The following KCNG3 variants were observed in gnomAD, a reference collection of about 807,000 sequenced individuals.
The protein encoded by KCNG3 is voltage-gated potassium channel regulatory subunit KCNG3.
In KCNG3, 15 loss-of-function variants were observed where a neutral mutation model predicts 29.0. That is an observed-to-expected ratio of 0.52 (90% CI 0.35 to 0.80). The LOEUF (loss-of-function observed/expected upper bound fraction) is 0.80, where lower values mean the gene tolerates loss of function less well. KCNG3 is among the 30% of genes least tolerant of loss of function. The pLI, the probability that KCNG3 is intolerant of heterozygous loss-of-function variation, is 0.01. For missense variants in KCNG3, 512 were observed against 605.7 expected (o/e 0.85, Z 1.62); for synonymous variants, 322 against 248.9 (o/e 1.29, Z -2.76).
At chr2:42,450,173 G>C (rs115964519) in intron 1 of KCNG3, among the ~76,000 whole-genome samples, 13 of 152,284 alleles carry the variant, frequency 8.5e-5, no homozygotes, top group African/African-American at 3.1e-4. Context: ...CTAAGAAGGA[G>C]GAAATCCAAA....
chr2:42,484,059 C>T (rs1204711155), intron 1 of KCNG3, among the ~76,000 whole-genome samples: 1 of 152,204 alleles, frequency 6.6e-6, no homozygotes. Context: ...GCTAGGACTA[C>T]AGGCCTAAGC....
At position 42,470,327 on chromosome 2, in the gene KCNG3, C is replaced by A. The variant is rs560787367; in HGVS notation, c.665+22510G>T. 4 of 273,964 alleles carry A rather than the reference C, an allele frequency of 1.5e-5. No homozygotes were observed. In the South Asian group the frequency reaches 1.7e-4, roughly 12 times the overall value. 17.0% of individuals were successfully genotyped at this position (273,964 alleles called of 1,614,324 possible). ...TAAATTTTAAAAAAATGTACAGATT[C>A]TATAAGCCCCAAAACACCATAAACA... On this transcript the variant is annotated intron_variant, in intron 1 of 1. Transcript: ENST00000306078.
intron 1 of KCNG3, among the ~76,000 whole-genome samples, chr2:42,454,265 A>C (rs1269633987): frequency 6.6e-6 from 1 of 152,230 alleles, no homozygotes; most frequent in Non-Finnish European, 1.5e-5. Flanking sequence ...ATCCAAAAAA[A>C]TTGAAAGCAG....
At position 42,493,186 on chromosome 2, in the gene KCNG3, C is replaced by T. The variant is rs748575273; in HGVS notation, c.316G>A (p.Ala106Thr). Residue 106 changes from alanine (A) to threonine (T), a missense_variant, in exon 1 of 2, where the codon GCG (alanine) becomes ACG (threonine). Ala to Thr is a moderately conservative substitution (Grantham distance 58, BLOSUM62 0). Coordinates refer to ENST00000306078, the MANE Select transcript of KCNG3 (RefSeq NM_133329.6). ...NEMIYWGLEG[A>T]HLEYCCQRRL... ...CGCTGGCAGCAGTACTCGAGGTGCG[C>T]GCCCTCCAGGCCCCAGTAGATCATC... The T allele has an allele frequency of 2.5e-6, 4 of 1,609,672 alleles. No homozygotes were observed. In the Admixed American group the frequency reaches 5.0e-5, roughly 20 times the overall value.
chr2:42,434,932 T>G, the KCNG3 span, among the ~76,000 whole-genome samples: 1 of 152,174 alleles, frequency 6.6e-6, no homozygotes, highest in Non-Finnish European at 1.5e-5. Flanking sequence ...ATTGGACTCC[T>G]ACTTCATAAC....
At chr2:42,470,372 A>T (rs915155996) in intron 1 of KCNG3, 1 of 220,490 alleles carries the variant, frequency 4.5e-6, no homozygotes, top group Non-Finnish European at 9.0e-6. Flanking sequence ...TACCAGCCAC[A>T]GTCAGAAAGA....
At chr2:42,472,859 C>T (rs1448267049) in intron 1 of KCNG3, among the ~76,000 whole-genome samples, 2 of 144,366 alleles carry the variant, frequency 1.4e-5, no homozygotes, top group Admixed American at 1.4e-4. Flanking sequence ...AATATATAAT[C>T]TATAAATATA....
At chr2:42,422,477 T>C in the KCNG3 span, among the ~76,000 whole-genome samples, 2 of 152,072 alleles carry the variant, frequency 1.3e-5, no homozygotes, top group Admixed American at 6.6e-5. Flanking sequence ...TATTCTGTTA[T>C]AGCAAGAAAG....
chr2:42,411,226 T>C, the KCNG3 span, among the ~76,000 whole-genome samples: 14 of 152,334 alleles, frequency 9.2e-5, no homozygotes, highest in South Asian at 2.1e-4. Flanking sequence ...TTCCCCTTCA[T>C]TGATTTACTT....
intron 1 of KCNG3, among the ~76,000 whole-genome samples, chr2:42,473,924 G>C (rs190532488): frequency 2.6e-5 from 4 of 152,176 alleles, no homozygotes; most frequent in African/African-American, 7.2e-5. Flanking sequence ...AGCAGAGGCA[G>C]CTGGATCACT....
the KCNG3 span, among the ~76,000 whole-genome samples, chr2:42,394,393 A>G: frequency 6.6e-6 from 1 of 152,116 alleles, no homozygotes; most frequent in Non-Finnish European, 1.5e-5. Flanking sequence ...CCCACAGGGG[A>G]GTTTTCATCA....
At chr2:42,393,073 T>C in the KCNG3 span, among the ~76,000 whole-genome samples, 1 of 152,270 alleles carries the variant, frequency 6.6e-6, no homozygotes, top group African/African-American at 2.4e-5. Context: ...AAATAGCTAA[T>C]CTCTCTGTGC....
At position 42,444,375 on chromosome 2, in the gene KCNG3, T is replaced by G. The variant is rs374768536; in HGVS notation, c.870A>C (p.Val290=). ...CCCAAAAAATCCTCATCATTCTAAG[T>G]ACCCTCAAGGTGACTCCAGCCCTCT... ...QLQRAGVTLR[V]LRMMRIFWVI... The change falls in exon 2 of 2, where the codon GTA becomes GTC. Residue 290 remains valine, a synonymous_variant. Coordinates refer to ENST00000306078, the MANE Select transcript of KCNG3 (RefSeq NM_133329.6). This position sits in a 1 kb window ranked among gnomAD's most constrained non-coding sequence, Gnocchi z 5.8. 3.7e-6 allele frequency: 6 copies of G among 1,614,062 alleles called. No homozygotes were observed. Among genetic ancestry groups the G allele is most frequent in the South Asian group, 2.2e-5 (2 of 91,086 alleles).
chr2:42,403,381 G>A, the KCNG3 span, among the ~76,000 whole-genome samples: 3 of 151,852 alleles, frequency 2.0e-5, no homozygotes, highest in African/African-American at 7.3e-5. Flanking sequence ...GGACTCAAGG[G>A]TTCCTCCCAC....
chr2:42,439,651 A>AG (rs1329045182), downstream of KCNG3, among the ~76,000 whole-genome samples: 1 of 97,230 alleles, frequency 1.0e-5, no homozygotes, highest in Admixed American at 1.2e-4. Context: ...AATAAAAAAA[A>AG]ATTTTTTTTT....
the KCNG3 span, among the ~76,000 whole-genome samples, chr2:42,392,633 A>G: frequency 6.6e-6 from 1 of 152,106 alleles, no homozygotes. Flanking sequence ...TCTCAAATCC[A>G]TCTCCCTGAC....
the KCNG3 span, among the ~76,000 whole-genome samples, chr2:42,406,824 CTCA>C: frequency 6.4e-3 from 169 of 26,396 alleles, no homozygotes; most frequent in South Asian, 0.014. Flanking sequence ...GAGACTCCTT[CTCA>C]AAAAAAAAAA....
downstream of KCNG3, chr2:42,441,977 T>C (rs1352814716): frequency 1.3e-5 from 2 of 151,884 alleles, no homozygotes; most frequent in African/African-American, 2.4e-5. Context: ...CTTGGGAAGA[T>C]AGGACATATT....
chr2:42,396,112 G>C, the KCNG3 span, among the ~76,000 whole-genome samples: 53 of 152,298 alleles, frequency 3.5e-4, no homozygotes, highest in Admixed American at 3.4e-3. Flanking sequence ...AATGTCTCAT[G>C]TAATTTATCA....
Sources: allele counts gnomAD v4.1 joint callset (sites outside exome capture counted in the v4.1 genomes callset), GRCh38; gene constraint gnomAD v4.1.1; non-coding constraint Gnocchi (gnomAD v3.1); transcripts MANE v1.5; gene names NCBI Gene and HGNC (gene_info 2026-07-23, HGNC 2026-07-21).